Variants in KIF16B observed in about 807,000 individuals in gnomAD.
KIF16B encodes the protein kinesin family member 16B.
A neutral mutation model predicts 156.3 loss-of-function variants in KIF16B; 98 were observed. That is an observed-to-expected ratio of 0.63 (90% confidence interval 0.53 to 0.74). The LOEUF (loss-of-function observed/expected upper bound fraction) is 0.74. KIF16B is among the 30% of genes least tolerant of loss of function. KIF16B has a pLI of 0.00. For missense variants in KIF16B, 1,421 were observed against 1,606.5 expected (o/e 0.88, Z 1.97); for synonymous variants, 564 against 583.7 (o/e 0.97, Z 0.49).
chr20:16,512,722 T>C, intron 5 of KIF16B, 104 bp downstream of exon 5: 2 of 692,056 alleles, frequency 2.9e-6, no homozygotes, highest in South Asian at 2.0e-5. Flanking sequence ...AGACTTTTTC[T>C]TTAGGAATCT....
intron 24 of KIF16B, among the ~76,000 whole-genome samples, chr20:16,312,800 A>G (rs1410082758): frequency 2.1e-5 from 3 of 143,358 alleles, no homozygotes; most frequent in African/African-American, 5.2e-5. Flanking sequence ...CTAGAATCCA[A>G]TTAGTTTTGT....
chr20:16,353,588 T>G lies in KIF16B; in HGVS notation c.3621+2742A>C, dbSNP rs528029159. Among the ~76,000 whole-genome samples, 244 of 151,148 alleles carry G rather than the reference T, an allele frequency of 1.6e-3. 1 individual carries two copies. Among genetic ancestry groups the G allele is most frequent in the East Asian group, 6.2e-3 (32 of 5,152 alleles). On this transcript the variant is annotated intron_variant, in intron 23 of 25. Coordinates refer to ENST00000354981, the MANE Select transcript of KIF16B (RefSeq NM_024704.5). ...TCATACCAACCCAATGAGGGGGGGG[T>G]TTATGATTCCCATTTGACAGGTGAG... is the stretch of plus-strand genomic sequence containing the variant.
intron 25 of KIF16B, among the ~76,000 whole-genome samples, chr20:16,299,171 T>C (rs2063435231): frequency 6.6e-6 from 1 of 152,154 alleles, no homozygotes; most frequent in East Asian, 1.9e-4. Flanking sequence ...AAAATATTTA[T>C]AGATGAAATA....
At chr20:16,407,922 T>C (rs557318453) in intron 15 of KIF16B, among the ~76,000 whole-genome samples, 4 of 152,262 alleles carry the variant, frequency 2.6e-5, no homozygotes, top group African/African-American at 9.6e-5. Flanking sequence ...TCCTAAGATA[T>C]GCTATCAGTA....
At chr20:16,473,220 A>C (rs1477291794) in intron 12 of KIF16B, among the ~76,000 whole-genome samples, 1 of 152,184 alleles carries the variant, frequency 6.6e-6, no homozygotes, top group Non-Finnish European at 1.5e-5. Context: ...AGGCCCCTCT[A>C]CTCATCAAAC....
intron 17 of KIF16B, among the ~76,000 whole-genome samples, chr20:16,394,258 T>C (rs886149297): frequency 1.3e-5 from 2 of 152,228 alleles, no homozygotes; most frequent in Non-Finnish European, 2.9e-5. Flanking sequence ...GATTGTTCTT[T>C]GAATTTAAGA....
intron 1 of KIF16B, among the ~76,000 whole-genome samples, chr20:16,558,740 T>C (rs1281858191): frequency 6.6e-6 from 1 of 151,952 alleles, no homozygotes; most frequent in Non-Finnish European, 1.5e-5. Flanking sequence ...CCTGTTTCCA[T>C]TAAAAATACA....
At chr20:16,375,166 C>T (rs1404240012) in intron 19 of KIF16B, among the ~76,000 whole-genome samples, 1 of 152,182 alleles carries the variant, frequency 6.6e-6, no homozygotes, top group Non-Finnish European at 1.5e-5. Flanking sequence ...GAATCCAGCC[C>T]CATCAGGCCA....
chr20:16,570,511 G>C (rs1481230432), intron 1 of KIF16B, among the ~76,000 whole-genome samples: 1 of 151,938 alleles, frequency 6.6e-6, no homozygotes, highest in East Asian at 1.9e-4. Context: ...CAATCTCACT[G>C]GTAAAAAAAT....
intron 1 of KIF16B, among the ~76,000 whole-genome samples, chr20:16,557,158 T>TACACACAC (rs74175699): frequency 1.4e-5 from 2 of 147,286 alleles, no homozygotes; most frequent in African/African-American, 5.0e-5. Context: ...TATATATATA[T>TACACACAC]ACACACACAC....
intron 12 of KIF16B, among the ~76,000 whole-genome samples, chr20:16,446,099 A>G (rs1381842050): frequency 1.3e-5 from 2 of 152,218 alleles, no homozygotes; most frequent in Non-Finnish European, 2.9e-5. Flanking sequence ...ATGTCCCATA[A>G]AAAGTGTAAG....
chr20:16,347,094 C>T (rs1220115598), intron 23 of KIF16B, among the ~76,000 whole-genome samples: 2 of 152,118 alleles, frequency 1.3e-5, no homozygotes, highest in African/African-American at 4.8e-5. Flanking sequence ...TTCATGATTC[C>T]TAACCTGCAG....
At chr20:16,551,268 T>C (rs1420333462) in intron 1 of KIF16B, among the ~76,000 whole-genome samples, 2 of 152,082 alleles carry the variant, frequency 1.3e-5, no homozygotes, top group Non-Finnish European at 2.9e-5. Flanking sequence ...GTAGCGGAGA[T>C]TACAGGCACT....
intron 15 of KIF16B, among the ~76,000 whole-genome samples, chr20:16,406,957 C>A (rs1432814535): frequency 1.3e-5 from 2 of 152,142 alleles, no homozygotes; most frequent in Non-Finnish European, 2.9e-5. Context: ...CAGAATTTGA[C>A]GGGAGAGAAC....
chr20:16,447,317 C>CT (rs1018151034), intron 12 of KIF16B, among the ~76,000 whole-genome samples: 1 of 151,594 alleles, frequency 6.6e-6, no homozygotes, highest in South Asian at 2.1e-4. Context: ...AAAAAAGTTC[C>CT]TTTTTTTTAA....
chr20:16,285,475 T>C, intron 25 of KIF16B, among the ~76,000 whole-genome samples: 1 of 152,216 alleles, frequency 6.6e-6, no homozygotes, highest in East Asian at 1.9e-4. Context: ...TATTAGTTTT[T>C]TTGCGTATCT....
chr20:16,491,167 G>A (rs1263810128), intron 12 of KIF16B, among the ~76,000 whole-genome samples: 1 of 152,162 alleles, frequency 6.6e-6, no homozygotes, highest in Non-Finnish European at 1.5e-5. Context: ...GACACATCCT[G>A]AATGAAGGAG....
At chr20:16,568,886 T>G (rs1242021716) in intron 1 of KIF16B, among the ~76,000 whole-genome samples, 1 of 147,592 alleles carries the variant, frequency 6.8e-6, no homozygotes, top group African/African-American at 2.5e-5. Context: ...AAACTGACTT[T>G]GACTTTGAGC....
chr20:16,361,529 G>A (rs77390863), intron 22 of KIF16B, among the ~76,000 whole-genome samples: 2,385 of 152,284 alleles, frequency 0.016, 61 homozygotes, highest in African/African-American at 0.052. Flanking sequence ...TTGCCAAGAC[G>A]TGGCCATATA....
Sources: allele counts gnomAD v4.1 joint callset (sites outside exome capture counted in the v4.1 genomes callset), GRCh38; gene constraint gnomAD v4.1.1; transcripts MANE v1.5; gene names NCBI Gene and HGNC (gene_info 2026-07-23, HGNC 2026-07-21).